Variants in UGT1A10 observed in about 807,000 individuals in gnomAD.
The protein encoded by UGT1A10 is UDP-glucuronosyltransferase 1A10.
A neutral mutation model predicts 45.8 loss-of-function variants in UGT1A10; 49 were observed. The observed-to-expected ratio is 1.07, with a 90% CI of 0.85 to 1.36. UGT1A10 has a LOEUF of 1.36. Among genes scored for constraint, UGT1A10 ranks in the 40% most tolerant of loss-of-function variants. The pLI is 0.00. For synonymous variants in UGT1A10, 284 were observed against 249.7 expected (o/e 1.14, Z -1.29); for missense variants, 745 against 668.6 (o/e 1.11, Z -1.26).
chr2:233,750,746 T>G (rs1207151817), intron 1 of UGT1A10: 2 of 151,906 alleles, frequency 1.3e-5, no homozygotes, highest in Admixed American at 1.3e-4. Context: ...ACCTCAAGCC[T>G]TGGCAGCATC....
chr2:233,642,473 T>G (rs373099249), intron 1 of UGT1A10, among the ~76,000 whole-genome samples: 25 of 152,368 alleles, frequency 1.6e-4, no homozygotes, highest in African/African-American at 6.0e-4. Context: ...TTGAATTCTC[T>G]GTCTGAAAGG....
chr2:233,753,848 G>C (rs1695327702), intron 1 of UGT1A10, among the ~76,000 whole-genome samples: 1 of 152,148 alleles, frequency 6.6e-6, no homozygotes, highest in African/African-American at 2.4e-5. Context: ...GTATATCATT[G>C]ACCAACCACA....
At chr2:233,727,138 C>A (rs1201449660) in intron 1 of UGT1A10, among the ~76,000 whole-genome samples, 2 of 152,162 alleles carry the variant, frequency 1.3e-5, no homozygotes, top group Non-Finnish European at 2.9e-5. Context: ...GGGAACAAGA[C>A]CACACAGGTC....
At chr2:233,740,216 C>T (rs2125828149) in intron 1 of UGT1A10, among the ~76,000 whole-genome samples, 1 of 151,920 alleles carries the variant, frequency 6.6e-6, no homozygotes, top group Admixed American at 6.5e-5. Flanking sequence ...CCAGTCTCAG[C>T]TGCGTCTTTA....
intron 4 of UGT1A10, chr2:233,771,560 G>A (rs1700329109): frequency 6.6e-6 from 1 of 152,164 alleles, no homozygotes; most frequent in South Asian, 2.1e-4. Flanking sequence ...TGTTAATTTG[G>A]CCAGAGGTGG....
intron 1 of UGT1A10, chr2:233,719,196 A>T (rs1343607687): frequency 6.2e-7 from 1 of 1,614,214 alleles, no homozygotes; most frequent in Non-Finnish European, 8.5e-7. Flanking sequence ...GGCCCTTCAT[A>T]GGTGTTGTGT....
intron 1 of UGT1A10, chr2:233,648,809 A>C: frequency 1.0e-6 from 1 of 981,104 alleles, no homozygotes; most frequent in Non-Finnish European, 1.5e-6. Flanking sequence ...CACATCTTCT[A>C]CTTAGAGGAG....
intron 1 of UGT1A10, chr2:233,754,665 A>AT (rs752229414): frequency 4.5e-5 from 21 of 465,290 alleles, no homozygotes; most frequent in South Asian, 1.9e-4. Flanking sequence ...CTTGGTGGTG[A>AT]TTTTTTTACC....
intron 1 of UGT1A10, among the ~76,000 whole-genome samples, chr2:233,661,911 G>A (rs187702837): frequency 7.2e-5 from 11 of 152,036 alleles, no homozygotes; most frequent in Non-Finnish European, 1.3e-4. Flanking sequence ...CAATGCATGA[G>A]AACTGTGAGA....
chr2:233,744,104 G>T (rs1183907106), intron 1 of UGT1A10: 22 of 400,806 alleles, frequency 5.5e-5, no homozygotes, highest in Non-Finnish European at 4.5e-6. Context: ...TCTGGGACTG[G>T]CCCTGCTCTC....
chr2:233,686,539 C>A (rs905637475), intron 1 of UGT1A10, among the ~76,000 whole-genome samples: 1 of 152,110 alleles, frequency 6.6e-6, no homozygotes, highest in Non-Finnish European at 1.5e-5. Flanking sequence ...CCTAACCTTT[C>A]CGTGGCTTTC....
chr2:233,684,227 C>T (rs754642033), intron 1 of UGT1A10, among the ~76,000 whole-genome samples: 7 of 152,108 alleles, frequency 4.6e-5, no homozygotes, highest in East Asian at 1.9e-4. Flanking sequence ...TGCAACCAAG[C>T]GCTTTCTAAA....
intron 1 of UGT1A10, chr2:233,713,993 T>C: frequency 6.4e-7 from 1 of 1,564,404 alleles, no homozygotes; most frequent in Non-Finnish European, 8.7e-7. Context: ...TGTAATAGTC[T>C]TCAGTGAGAT....
intron 1 of UGT1A10, chr2:233,713,781 G>C (rs1363495958): frequency 1.2e-6 from 2 of 1,613,986 alleles, no homozygotes; most frequent in Non-Finnish European, 1.7e-6. Context: ...CTTTGTGATG[G>C]ATTACCCCAG....
Position 233,772,452 on chromosome 2 carries a change from G to A in UGT1A10, c.1486G>A (p.Val496Met), listed in dbSNP as rs199723856. 1.2e-4 allele frequency: 186 copies of A among 1,614,176 alleles called. No homozygotes were observed. The highest frequency in any genetic ancestry group is 1.5e-4 in the Non-Finnish European group (177 of 1,180,044). The change falls in exon 5 of 5, where the codon GTG becomes ATG. Residue 496 changes from valine (V) to methionine (M), a missense_variant. Physicochemically the swap from Val to Met is conservative, Grantham distance 21 (BLOSUM62 1). Transcript: ENST00000344644. The stretch of plus-strand genomic sequence containing the variant: ...CGTGATTGGTTTCCTCTTGGCCGTC[G>A]TGCTGACAGTGGCCTTCATCACCTT... ...LDVIGFLLAV[V>M]LTVAFITFKC...
chr2:233,719,247 G>T, intron 1 of UGT1A10: 1 of 1,614,186 alleles, frequency 6.2e-7, no homozygotes, highest in African/African-American at 1.3e-5. Context: ...GCACCTGAAT[G>T]CTACTTCCTT....
At chr2:233,707,801 C>T (rs2075988257) in intron 1 of UGT1A10, among the ~76,000 whole-genome samples, 1 of 152,112 alleles carries the variant, frequency 6.6e-6, no homozygotes, top group African/African-American at 2.4e-5. Context: ...GGAGCTGCTG[C>T]GTTGGAGGGC....
chr2:233,698,282 G>GA (rs528248105), intron 1 of UGT1A10, among the ~76,000 whole-genome samples: 1 of 151,926 alleles, frequency 6.6e-6, no homozygotes, highest in Non-Finnish European at 1.5e-5. Flanking sequence ...TCAACACTAT[G>GA]AAAAAAAATG....
In UGT1A10 at chr2:233,685,327, C is replaced by A. The variant is rs189214969; in HGVS notation, c.855+47950C>A. Among the ~76,000 whole-genome samples the A allele has an allele frequency of 2.2e-3, 337 of 152,132 alleles. 1 individual carries two copies. The highest frequency in any genetic ancestry group is 7.9e-3 in the African/African-American group (328 of 41,508). On this transcript the variant is annotated intron_variant, in intron 1 of 4. Transcript: ENST00000344644. ...AGATTACAGGTGTGAACCACCACAC[C>A]CGGACTTAAAGTGGTTTTAATGAGA...
Sources: gnomAD v4.1 joint callset for allele counts (sites outside exome capture counted in the v4.1 genomes callset) on GRCh38, gnomAD v4.1.1 for gene constraint, MANE v1.5 for transcripts, NCBI Gene and HGNC (gene_info 2026-07-23, HGNC 2026-07-21) for gene names.